The following ADGRB3 variants were observed in gnomAD, a reference collection of about 807,000 sequenced individuals.
The protein encoded by ADGRB3 is brain-specific angiogenesis inhibitor 3.
ADGRB3 carries 37 observed loss-of-function variants against 193.4 expected under a neutral mutation model. That is an observed-to-expected ratio of 0.19 (90% confidence interval 0.15 to 0.25). The LOEUF is 0.25. ADGRB3 is among the 10% of genes least tolerant of loss of function. ADGRB3 has a pLI of 1.00. For synonymous variants in ADGRB3, 690 were observed against 644.2 expected (o/e 1.07, Z -1.08); for missense variants, 1,637 against 1,852.9 (o/e 0.88, Z 2.14).
At chr6:68,722,957 A>G (rs79192093) in intron 3 of ADGRB3, among the ~76,000 whole-genome samples, 6,430 of 151,792 alleles carry the variant, frequency 0.042, 234 homozygotes, top group Non-Finnish European at 0.057. Flanking sequence ...AAAAGCCCAC[A>G]AAGTCATGGT....
chr6:68,857,333 C>A (rs1277216490), intron 3 of ADGRB3, among the ~76,000 whole-genome samples: 1 of 152,190 alleles, frequency 6.6e-6, no homozygotes, highest in Non-Finnish European at 1.5e-5. Context: ...TGCAGACACT[C>A]AATGCCAACC....
chr6:68,889,072 G>A (rs936086964), intron 3 of ADGRB3, among the ~76,000 whole-genome samples: 3 of 152,204 alleles, frequency 2.0e-5, no homozygotes, highest in Non-Finnish European at 4.4e-5. Context: ...GCTGTAAGAG[G>A]TGGATGTCAG....
intron 3 of ADGRB3, among the ~76,000 whole-genome samples, chr6:68,796,187 A>G (rs934073078): frequency 1.3e-5 from 2 of 150,834 alleles, no homozygotes; most frequent in African/African-American, 2.4e-5. Flanking sequence ...AATAATATAT[A>G]TCTATAAACC....
At chr6:69,215,662 G>A (rs895956670) in intron 17 of ADGRB3, among the ~76,000 whole-genome samples, 11 of 151,924 alleles carry the variant, frequency 7.2e-5, no homozygotes, top group African/African-American at 2.4e-4. Flanking sequence ...ATTCTCATTA[G>A]AGACATTTCA....
Position 69,168,501 on chromosome 6 carries a change from T to A in ADGRB3, c.2481-64789T>A, listed in dbSNP as rs1352553324. Among the ~76,000 whole-genome samples, 13 of 152,272 alleles carry A rather than the reference T, an allele frequency of 8.5e-5. No individual in the cohort carries two copies. The East Asian group carries it at 2.1e-3, about 25-fold the overall frequency. On this transcript the variant is annotated intron_variant, in intron 17 of 31. Coordinates refer to ENST00000370598, the MANE Select transcript of ADGRB3 (RefSeq NM_001704.3). ...GCTTTAAAGGAAAAATATTCTCCAA[T>A]AAACTAATGTTTTCGAAAACTAGTC...
At chr6:69,311,416 G>A (rs981851244) in intron 20 of ADGRB3, among the ~76,000 whole-genome samples, 1 of 151,694 alleles carries the variant, frequency 6.6e-6, no homozygotes, top group Non-Finnish European at 1.5e-5. Flanking sequence ...TTTTTCCGAT[G>A]GTAATGAGCT....
At chr6:69,369,417 G>A (rs892207028) in intron 29 of ADGRB3, among the ~76,000 whole-genome samples, 5 of 152,066 alleles carry the variant, frequency 3.3e-5, no homozygotes, top group African/African-American at 4.8e-5. Context: ...GATAAACTAA[G>A]GCTGGGGTGG....
In ADGRB3 at chr6:68,637,515, T is replaced by A. The variant is rs1047879527; in HGVS notation, c.-63T>A. 1.3e-5 allele frequency: 2 copies of A among 152,714 alleles called. No individual in the cohort carries two copies. Among genetic ancestry groups the A allele is most frequent in the South Asian group, 4.1e-4 (2 of 4,820 alleles). 9.5% of individuals were successfully genotyped at this position (152,714 alleles called of 1,614,324 possible). ...ATTCTAAGAAATAACTTCTTAAAGG[T>A]TAAAGCTGAAAAATATTCAAGTTAT... On this transcript the variant is annotated 5_prime_UTR_variant, in exon 2 of 32. Coordinates refer to ENST00000370598, the MANE Select transcript of ADGRB3 (RefSeq NM_001704.3).
At chr6:69,357,995 GTT>G (rs1769370552) in intron 28 of ADGRB3, among the ~76,000 whole-genome samples, 1 of 151,830 alleles carries the variant, frequency 6.6e-6, no homozygotes, top group African/African-American at 2.4e-5. Flanking sequence ...ATTTGTCCGG[GTT>G]TAGAAGCTTG....
chr6:68,957,610 A>G (rs1256649507), intron 8 of ADGRB3, among the ~76,000 whole-genome samples: 1 of 152,196 alleles, frequency 6.6e-6, no homozygotes, highest in East Asian at 1.9e-4. Flanking sequence ...TCTGTGAGCA[A>G]GCTGACTGAT....
At chr6:68,826,134 A>G (rs7754061) in intron 3 of ADGRB3, among the ~76,000 whole-genome samples, 4,604 of 152,150 alleles carry the variant, frequency 0.03, 239 homozygotes, top group African/African-American at 0.1. Flanking sequence ...AACAGACAAA[A>G]CCTCCTGCTC....
At chr6:69,002,259 G>A (rs1467303743) in intron 11 of ADGRB3, among the ~76,000 whole-genome samples, 3 of 145,156 alleles carry the variant, frequency 2.1e-5, no homozygotes, top group Non-Finnish European at 3.0e-5. Flanking sequence ...TTGCTCTGTC[G>A]CCAGGCTGGA....
At chr6:68,743,691 A>G (rs1766025820) in intron 3 of ADGRB3, among the ~76,000 whole-genome samples, 1 of 152,154 alleles carries the variant, frequency 6.6e-6, no homozygotes, top group Admixed American at 6.5e-5. Context: ...AGAACTTGCC[A>G]GAAAAATGCA....
At chr6:69,178,977 C>A (rs1335876195) in intron 17 of ADGRB3, among the ~76,000 whole-genome samples, 1 of 152,126 alleles carries the variant, frequency 6.6e-6, no homozygotes, top group Non-Finnish European at 1.5e-5. Flanking sequence ...TTTGTCGTAA[C>A]TGGATGTCTA....
intron 17 of ADGRB3, among the ~76,000 whole-genome samples, chr6:69,210,911 C>A (rs139496562): frequency 1.3e-5 from 2 of 151,498 alleles, no homozygotes; most frequent in Non-Finnish European, 2.9e-5. Context: ...GTCAGGAGAT[C>A]GAGACAATCC....
intron 3 of ADGRB3, among the ~76,000 whole-genome samples, chr6:68,923,326 C>T (rs1200173439): frequency 6.6e-6 from 1 of 151,936 alleles, no homozygotes; most frequent in Non-Finnish European, 1.5e-5. Context: ...CTTACCTCCA[C>T]GTACAAAAAG....
chr6:68,918,976 T>A (rs1191595377), intron 3 of ADGRB3, among the ~76,000 whole-genome samples: 1 of 152,098 alleles, frequency 6.6e-6, no homozygotes, highest in Non-Finnish European at 1.5e-5. Flanking sequence ...ATTTTTCAGT[T>A]TTTTTCCTCT....
intron 17 of ADGRB3, among the ~76,000 whole-genome samples, chr6:69,096,023 A>G (rs1485305748): frequency 1.3e-5 from 2 of 152,166 alleles, no homozygotes; most frequent in Non-Finnish European, 1.5e-5. Context: ...AAAAATCAGC[A>G]CTTTTATTCA....
chr6:68,908,147 T>G (rs548290068), intron 3 of ADGRB3, among the ~76,000 whole-genome samples: 4 of 152,036 alleles, frequency 2.6e-5, no homozygotes, highest in Non-Finnish European at 4.4e-5. Flanking sequence ...AATTTCTACA[T>G]GGATTTTTAT....
Sources: gnomAD v4.1 joint callset for allele counts (sites outside exome capture counted in the v4.1 genomes callset) on GRCh38, gnomAD v4.1.1 for gene constraint, MANE v1.5 for transcripts, NCBI Gene and HGNC (gene_info 2026-07-23, HGNC 2026-07-21) for gene names.